The following PRKCQ variants were observed in gnomAD, a reference collection of about 807,000 sequenced individuals.
PRKCQ encodes the protein protein kinase C theta.
In PRKCQ, 41 loss-of-function variants were observed where a neutral mutation model predicts 91.2. The ratio of observed to expected loss-of-function variants is 0.45; its 90% CI spans 0.35 to 0.58. PRKCQ has a LOEUF of 0.58. Ranked by LOEUF, PRKCQ falls within the 20% of genes least tolerant of loss-of-function variation. PRKCQ has a pLI of 0.00. For missense variants in PRKCQ, 673 were observed against 896.5 expected, an observed-to-expected ratio of 0.75 and a Z score of 3.18; for synonymous variants, 307 against 316.9, an observed-to-expected ratio of 0.97 and a Z score of 0.33.
the PRKCQ span, among the ~76,000 whole-genome samples, chr10:6,406,660 C>T: frequency 2.0e-5 from 3 of 152,088 alleles, no homozygotes; most frequent in Non-Finnish European, 4.4e-5. Context: ...TGAATAATGC[C>T]ATGAAACGAA....
At chr10:6,462,455 G>A in intron 13 of PRKCQ, 90 bp from the exon 14 acceptor site, 2 of 1,134,440 alleles carry the variant, frequency 1.8e-6, no homozygotes, top group Non-Finnish European at 2.6e-6. Context: ...CTGACATGCT[G>A]TGTATGGCTA....
intron 17 of PRKCQ, among the ~76,000 whole-genome samples, chr10:6,428,879 T>C (rs1258099422): frequency 6.6e-6 from 1 of 152,196 alleles, no homozygotes; most frequent in Non-Finnish European, 1.5e-5. Flanking sequence ...AGTAAGTATC[T>C]TGGGCTTTTT....
intron 16 of PRKCQ, among the ~76,000 whole-genome samples, chr10:6,437,495 T>A (rs1378257199): frequency 1.3e-5 from 2 of 152,186 alleles, no homozygotes; most frequent in African/African-American, 2.4e-5. Context: ...GTCTGTGATA[T>A]CTTGTTATGG....
chr10:6,515,693 T>TAC lies in PRKCQ; in HGVS notation c.-9-551_-9-550dup, dbSNP rs139978579. ...CAAAAAGGTCTGCTTTCTTCACAGT[T>TAC]ACACACACACACACTCTAAGCCTTT... On this transcript the variant is annotated intron_variant, in intron 1 of 17. Transcript: ENST00000263125. 6.6e-5 allele frequency among the ~76,000 whole-genome samples: 10 copies of TAC among 151,992 alleles called. No homozygotes were observed. The South Asian group carries it at 1.2e-3, about 19-fold the overall frequency.
intron 1 of PRKCQ, among the ~76,000 whole-genome samples, chr10:6,548,625 TG>T (rs932256150): frequency 3.4e-5 from 5 of 146,476 alleles, no homozygotes; most frequent in African/African-American, 5.0e-5. Context: ...CAGTAAACTA[TG>T]GCAAGAACAA....
At chr10:6,405,124 G>A in the PRKCQ span, among the ~76,000 whole-genome samples, 1 of 152,058 alleles carries the variant, frequency 6.6e-6, no homozygotes, top group African/African-American at 2.4e-5. Flanking sequence ...TGGGTCCACA[G>A]GTGCACGCCA....
chr10:6,505,537 TTTC>T (rs1485971140), intron 4 of PRKCQ, among the ~76,000 whole-genome samples: 1 of 146,044 alleles, frequency 6.8e-6, no homozygotes, highest in Admixed American at 6.9e-5. Flanking sequence ...TTTCTTTTTC[TTTC>T]TTTTCTTCTT....
At chr10:6,399,894 T>C in the PRKCQ span, among the ~76,000 whole-genome samples, 7 of 151,878 alleles carry the variant, frequency 4.6e-5, no homozygotes, top group Non-Finnish European at 8.8e-5. Flanking sequence ...TCAGATCAAG[T>C]CCCCAGGGTG....
intron 9 of PRKCQ, among the ~76,000 whole-genome samples, chr10:6,485,756 A>C (rs2130785162): frequency 6.6e-6 from 1 of 152,360 alleles, no homozygotes; most frequent in South Asian, 2.1e-4. Flanking sequence ...TAAAGCTGTC[A>C]ATGAATCTTC....
intron 1 of PRKCQ, among the ~76,000 whole-genome samples, chr10:6,542,202 C>T (rs1390730820): frequency 6.6e-6 from 1 of 152,194 alleles, no homozygotes; most frequent in Non-Finnish European, 1.5e-5. Flanking sequence ...AGCTTCTTTG[C>T]CTATAAAATG....
At chr10:6,449,558 A>G (rs1447745968) in intron 15 of PRKCQ, among the ~76,000 whole-genome samples, 3 of 151,954 alleles carry the variant, frequency 2.0e-5, no homozygotes, top group Admixed American at 1.3e-4. Flanking sequence ...GCAGGCCAAC[A>G]TTCAGATTCA....
At chr10:6,480,736 G>C (rs3793730) in intron 11 of PRKCQ, among the ~76,000 whole-genome samples, 17,751 of 152,230 alleles carry the variant, frequency 0.12, 1,157 homozygotes, top group Non-Finnish European at 0.14. Flanking sequence ...ATTTGTTTCT[G>C]TTATTGACTT....
At chr10:6,519,810 T>C (rs1281364051) in intron 1 of PRKCQ, among the ~76,000 whole-genome samples, 1 of 152,148 alleles carries the variant, frequency 6.6e-6, no homozygotes, top group Non-Finnish European at 1.5e-5. Context: ...CCCTCATAAA[T>C]ATGTATAGAT....
At chr10:6,543,788 G>A (rs554727534) in intron 1 of PRKCQ, among the ~76,000 whole-genome samples, 25 of 152,298 alleles carry the variant, frequency 1.6e-4, no homozygotes, top group African/African-American at 6.0e-4. Flanking sequence ...TGGGGGGTCG[G>A]CTGTACTCCT....
chr10:6,564,266 G>A (rs779742963), intron 1 of PRKCQ, among the ~76,000 whole-genome samples: 26 of 152,122 alleles, frequency 1.7e-4, no homozygotes, highest in Non-Finnish European at 3.4e-4. Context: ...TGTGAAGAGC[G>A]AGACTAGAGG....
intron 16 of PRKCQ, among the ~76,000 whole-genome samples, chr10:6,433,702 G>T (rs1833530467): frequency 6.6e-6 from 1 of 152,040 alleles, no homozygotes; most frequent in Non-Finnish European, 1.5e-5. Flanking sequence ...CCATAAAACA[G>T]CAGGAGTCAT....
At chr10:6,457,209 G>C (rs1239130123) in intron 14 of PRKCQ, among the ~76,000 whole-genome samples, 2 of 152,150 alleles carry the variant, frequency 1.3e-5, no homozygotes, top group Non-Finnish European at 2.9e-5. Flanking sequence ...AGTTGATGAA[G>C]TTTGTTCCTA....
At chr10:6,512,054 C>T (rs1838503814) in intron 2 of PRKCQ, 1 of 152,202 alleles carries the variant, frequency 6.6e-6, no homozygotes, top group Admixed American at 6.5e-5. Flanking sequence ...TCACTGGCCC[C>T]AGCTTAAACA....
chr10:6,544,361 C>A (rs760147418), intron 1 of PRKCQ, among the ~76,000 whole-genome samples: 1 of 152,192 alleles, frequency 6.6e-6, no homozygotes, highest in African/African-American at 2.4e-5. Context: ...CCTGGTCACA[C>A]TGTCAACTGA....
Sources: allele counts gnomAD v4.1 joint callset (sites outside exome capture counted in the v4.1 genomes callset), GRCh38; gene constraint gnomAD v4.1.1; transcripts MANE v1.5; gene names NCBI Gene and HGNC (gene_info 2026-07-23, HGNC 2026-07-21).